Variants in SHROOM4 observed in about 807,000 individuals in gnomAD.
The protein encoded by SHROOM4 is shroom family member 4.
SHROOM4 carries 17 observed loss-of-function variants against 80.3 expected under a neutral mutation model. The observed-to-expected ratio is 0.21, with a 90% CI of 0.14 to 0.32. The LOEUF is 0.32. SHROOM4 is among the 10% of genes least tolerant of loss of function. SHROOM4 has a pLI of 1.00. For missense variants in SHROOM4, 993 were observed against 1,140.3 expected (o/e 0.87, Z 1.86); for synonymous variants, 400 against 437.5 (o/e 0.91, Z 1.07).
intron 2 of SHROOM4, among the ~76,000 whole-genome samples, chrX:50,672,704 T>G (rs181969444): frequency 9.9e-5 from 11 of 111,155 alleles, no homozygotes; most frequent in Admixed American, 5.7e-4. Flanking sequence ...CCCAACAGGA[T>G]AAACCCAAAG....
At chrX:50,652,878 G>C (rs1839870495) in intron 2 of SHROOM4, among the ~76,000 whole-genome samples, 1 of 111,618 alleles carries the variant, frequency 9.0e-6, no homozygotes, top group Non-Finnish European at 1.9e-5. Flanking sequence ...GATTGTTGTA[G>C]AGGTGTGGCA....
rs782675886 is a variant in SHROOM4, at chrX:50,602,781, C to A, written c.3794G>T (p.Gly1265Val). The A allele has an allele frequency of 1.7e-6, 2 of 1,208,876 alleles. No homozygotes were observed. Among genetic ancestry groups the A allele is most frequent in the African/African-American group, 3.5e-5 (2 of 56,818 alleles). ...QEFQHFSPPS[G>V]APGIPTSYSA... ...GTAAGAGGTAGGGATTCCTGGGGCC[C>A]CTGAAGGAGGCGAAAAGTGCTGAAA... The change falls in exon 7 of 9, where the codon GGG becomes GTG. Residue 1265 changes from glycine (G) to valine (V), a missense_variant. Transcript: ENST00000376020.
At chrX:50,771,269 G>A (rs1935388138) in intron 1 of SHROOM4, among the ~76,000 whole-genome samples, 1 of 112,245 alleles carries the variant, frequency 8.9e-6, no homozygotes, top group Non-Finnish European at 1.9e-5. Flanking sequence ...AACAACTCAG[G>A]CAGAAGCAGC....
At chrX:50,723,818 A>C (rs1557265686) in intron 1 of SHROOM4, among the ~76,000 whole-genome samples, 1 of 110,721 alleles carries the variant, frequency 9.0e-6, no homozygotes, top group Non-Finnish European at 1.9e-5. Flanking sequence ...AGGCTTCTAA[A>C]CCTCTTAAAA....
chrX:50,634,151 G>T lies in SHROOM4; in HGVS notation c.1922C>A (p.Ser641Tyr), dbSNP rs782241607. The T allele has an allele frequency of 2.5e-6, 3 of 1,209,721 alleles. No individual in the cohort carries two copies. Among genetic ancestry groups the T allele is most frequent in the African/African-American group, 1.8e-5 (1 of 57,019 alleles). Residue 641 changes from serine (S) to tyrosine (Y), a missense_variant, in exon 4 of 9, where the codon TCT (serine) becomes TAT (tyrosine). Ser to Tyr is a moderately radical substitution (Grantham distance 144). Transcript: ENST00000376020. ...GGGGCTGGGAGGTTTTTTACATGAA[G>T]ATAGAAGAGATGTGTTAGAGGCAGT... is the stretch of plus-strand genomic sequence containing the variant. ...PLTASNTSLL[S>Y]SCKKPPSPRD...
chrX:50,736,789 T>C (rs1178261581), intron 1 of SHROOM4, among the ~76,000 whole-genome samples: 22 of 112,191 alleles, frequency 2.0e-4, no homozygotes, highest in African/African-American at 7.1e-4. Flanking sequence ...CAAATGGTAC[T>C]TCTGCTTTTA....
At chrX:50,812,006 C>A (rs1483158607) in intron 1 of SHROOM4, among the ~76,000 whole-genome samples, 3 of 110,034 alleles carry the variant, frequency 2.7e-5, no homozygotes, top group African/African-American at 9.9e-5. Context: ...TAGTAACACC[C>A]CCTGCCATGC....
intron 2 of SHROOM4, among the ~76,000 whole-genome samples, chrX:50,648,039 G>A (rs1204480370): frequency 1.8e-5 from 2 of 111,967 alleles, no homozygotes; most frequent in African/African-American, 3.2e-5. Context: ...TGTTAAGCAG[G>A]GGACTAACAT....
intron 1 of SHROOM4, among the ~76,000 whole-genome samples, chrX:50,704,457 A>C (rs1933603684): frequency 1.8e-5 from 2 of 112,003 alleles, no homozygotes; most frequent in African/African-American, 3.2e-5. Flanking sequence ...TGAGTTGGAT[A>C]CAGTCTTCCA....
intron 2 of SHROOM4, among the ~76,000 whole-genome samples, chrX:50,659,835 G>C (rs1932435437): frequency 8.9e-6 from 1 of 112,070 alleles, no homozygotes; most frequent in Non-Finnish European, 1.9e-5. Flanking sequence ...ATGGGACACA[G>C]AAAAGGCAGG....
chrX:50,711,856 T>C (rs1933826554), intron 1 of SHROOM4, among the ~76,000 whole-genome samples: 1 of 112,498 alleles, frequency 8.9e-6, no homozygotes. Flanking sequence ...AGACCTTTCA[T>C]TGATGTATGC....
intron 2 of SHROOM4, among the ~76,000 whole-genome samples, chrX:50,667,900 C>G (rs1932739380): frequency 9.0e-6 from 1 of 111,356 alleles, no homozygotes; most frequent in South Asian, 3.9e-4. Flanking sequence ...CCTGCTCTCA[C>G]TATCCAGAGG....
At position 50,633,446 on chromosome X, in the gene SHROOM4, T is replaced by A; in HGVS notation, c.2627A>T (p.His876Leu). Residue 876 changes from histidine (H) to leucine (L), a missense_variant, in exon 4 of 9, where the codon CAC becomes CTC. His to Leu is a moderately conservative substitution (Grantham distance 99). Transcript: ENST00000376020. The part of the protein sequence containing the change: ...LENSMCCKPL[H>L]CGDFDYHRTC... ...CCTGTGGTAATCAAAATCACCACAG[T>A]GTAGTGGCTTACAACACATGGAATT... is the stretch of plus-strand genomic sequence containing the variant. 1 of 1,211,624 alleles carries A rather than the reference T, an allele frequency of 8.3e-7. No homozygotes were observed. The highest frequency in any genetic ancestry group is 1.1e-6 in the Non-Finnish European group (1 of 895,481).
chrX:50,728,535 A>C (rs1417479989), intron 1 of SHROOM4, among the ~76,000 whole-genome samples: 2 of 111,718 alleles, frequency 1.8e-5, no homozygotes, highest in African/African-American at 6.5e-5. Flanking sequence ...GATCCATTAG[A>C]TCAAGGGGCT....
chrX:50,649,518 G>GT (rs1330530255), intron 2 of SHROOM4: 1 of 112,195 alleles, frequency 8.9e-6, no homozygotes, highest in Non-Finnish European at 1.9e-5. Flanking sequence ...CTTTCTAAAG[G>GT]TAAGTGCTGA....
intron 2 of SHROOM4, among the ~76,000 whole-genome samples, chrX:50,679,344 G>A (rs544287310): frequency 1.8e-5 from 2 of 111,650 alleles, no homozygotes; most frequent in African/African-American, 3.2e-5. Context: ...GTTCAACTCC[G>A]CACTTCTGCT....
intron 1 of SHROOM4, among the ~76,000 whole-genome samples, chrX:50,795,079 T>C (rs1404311219): frequency 1.4e-5 from 1 of 71,251 alleles, no homozygotes; most frequent in Non-Finnish European, 2.4e-5. Flanking sequence ...ATATATGATA[T>C]ATATATATGA....
At chrX:50,766,513 A>C (rs151081821) in intron 1 of SHROOM4, among the ~76,000 whole-genome samples, 1 of 111,794 alleles carries the variant, frequency 8.9e-6, no homozygotes, top group East Asian at 2.8e-4. Flanking sequence ...TTTGGATATC[A>C]GTATGGAGAT....
intron 1 of SHROOM4, among the ~76,000 whole-genome samples, chrX:50,811,282 G>T (rs1301953158): frequency 9.1e-6 from 1 of 110,484 alleles, no homozygotes; most frequent in Non-Finnish European, 1.9e-5. Flanking sequence ...ACTCCAGCCT[G>T]AGCAACAGAG....
Sources: allele counts gnomAD v4.1 joint callset (sites outside exome capture counted in the v4.1 genomes callset), GRCh38; gene constraint gnomAD v4.1.1; transcripts MANE v1.5; gene names NCBI Gene and HGNC (gene_info 2026-07-23, HGNC 2026-07-21).